Variants in CABLES1 observed in about 807,000 individuals in gnomAD.
CABLES1 encodes Cdk5 and Abl enzyme substrate 1, also known as CDK5 and ABL1 enzyme substrate 1.
CABLES1 carries 36 observed loss-of-function variants against 57.8 expected under a neutral mutation model. That is an observed-to-expected ratio of 0.62 (90% CI 0.48 to 0.82). The LOEUF is 0.82. Among genes scored for constraint, CABLES1 ranks in the 40% least tolerant of loss-of-function variants. CABLES1 has a pLI of 0.00. For synonymous variants in CABLES1, 374 were observed against 363.0 expected (o/e 1.03, Z -0.35); for missense variants, 767 against 836.6 (o/e 0.92, Z 1.03).
intron 1 of CABLES1, among the ~76,000 whole-genome samples, chr18:23,182,270 C>T (rs995316563): frequency 2.6e-5 from 4 of 152,186 alleles, no homozygotes; most frequent in African/African-American, 7.2e-5. Context: ...GTGCTCCAGG[C>T]TAACTAGCTC....
intron 1 of CABLES1, among the ~76,000 whole-genome samples, chr18:23,140,338 C>T (rs1243350134): frequency 6.6e-6 from 1 of 152,206 alleles, no homozygotes; most frequent in Non-Finnish European, 1.5e-5. Flanking sequence ...TAGCGGACAG[C>T]TCCCCAGGAG....
chr18:23,191,904 CT>C (rs2047245723), intron 2 of CABLES1, among the ~76,000 whole-genome samples: 1 of 73,250 alleles, frequency 1.4e-5, no homozygotes, highest in South Asian at 6.4e-4. Flanking sequence ...TGGTTGAATG[CT>C]TAAAAAAAAA....
chr18:23,232,661 C>G (rs561340927), intron 4 of CABLES1, among the ~76,000 whole-genome samples: 1 of 152,194 alleles, frequency 6.6e-6, no homozygotes, highest in African/African-American at 2.4e-5. Flanking sequence ...ACTTTGGTGT[C>G]GATTCTGAAC....
intron 3 of CABLES1, among the ~76,000 whole-genome samples, chr18:23,202,706 C>T (rs1568065805): frequency 6.6e-6 from 1 of 151,446 alleles, no homozygotes; most frequent in Non-Finnish European, 1.5e-5. Flanking sequence ...AGACACTCGG[C>T]CAGGGCGTGG....
intron 1 of CABLES1, among the ~76,000 whole-genome samples, chr18:23,173,608 A>G (rs1228369752): frequency 1.3e-5 from 2 of 152,236 alleles, no homozygotes; most frequent in Non-Finnish European, 2.9e-5. Flanking sequence ...TGTAAACTTT[A>G]TATATCATAT....
Position 23,135,776 on chromosome 18 carries a change from C to T in CABLES1, c.14C>T (p.Ala5Val). MAAAAAAATTAACSS... is the reference protein window; with the variant it reads MAAAVAAATTAACSS... ...CAGACGGACACAATGGCGGCGGCGG[C>T]GGCGGCCGCCACCACGGCCGCCTGC... is the stretch of plus-strand genomic sequence containing the variant. Residue 5 changes from alanine to valine, a missense_variant, in exon 1 of 10, where the codon GCG becomes GTG. Ala to Val is a moderately conservative substitution (Grantham distance 64, BLOSUM62 0). This residue lies in a region of CABLES1 where 198 missense variants were observed against 149.7 expected (regional missense o/e 1.32). Coordinates refer to ENST00000256925, the MANE Select transcript of CABLES1 (RefSeq NM_001100619.3). 1.0e-6 allele frequency: 1 copy of T among 985,074 alleles called. No individual in the cohort carries two copies. Among genetic ancestry groups the T allele is most frequent in the Non-Finnish European group, 1.2e-6 (1 of 830,926 alleles). 61.0% of individuals were successfully genotyped at this position (985,074 alleles called of 1,614,324 possible).
intron 4 of CABLES1, among the ~76,000 whole-genome samples, chr18:23,220,799 A>T (rs2047481452): frequency 6.6e-6 from 1 of 152,222 alleles, no homozygotes; most frequent in African/African-American, 2.4e-5. Flanking sequence ...GGATGCTCCC[A>T]AGGCAAATAC....
At chr18:23,188,775 A>C (rs1369306568) in intron 1 of CABLES1, 63 bp from the exon 2 acceptor site, 1 of 1,174,404 alleles carries the variant, frequency 8.5e-7, no homozygotes, top group Non-Finnish European at 1.3e-6. Flanking sequence ...TTAGATTTGC[A>C]CAAATGTCTG....
intron 1 of CABLES1, among the ~76,000 whole-genome samples, chr18:23,164,217 A>G (rs75682239): frequency 0.027 from 4,088 of 152,352 alleles, 176 homozygotes; most frequent in African/African-American, 0.092. Flanking sequence ...AGACAGCATC[A>G]GTGATTAATT....
At chr18:23,235,770 A>G in intron 5 of CABLES1, 125 bp from the exon 6 acceptor site, 1 of 986,422 alleles carries the variant, frequency 1.0e-6, no homozygotes, top group Non-Finnish European at 1.5e-6. Flanking sequence ...GATCTCATTG[A>G]ATTTCAGAAT....
chr18:23,224,337 C>T (rs550253987), intron 4 of CABLES1, among the ~76,000 whole-genome samples: 5 of 151,954 alleles, frequency 3.3e-5, no homozygotes, highest in African/African-American at 1.2e-4. Flanking sequence ...TGGGCACCGG[C>T]GGCCAGGGAG....
intron 1 of CABLES1, among the ~76,000 whole-genome samples, chr18:23,141,693 G>A (rs547989542): frequency 1.3e-5 from 2 of 152,330 alleles, no homozygotes; most frequent in South Asian, 2.1e-4. Flanking sequence ...CAATGTGGGC[G>A]AGCTCAGGAG....
chr18:23,257,537 T>TACAC lies in CABLES1; in HGVS notation c.*171_*172insCACA. 1 of 684,780 alleles carries TACAC rather than the reference T, an allele frequency of 1.5e-6. No individual in the cohort carries two copies. The highest frequency in any genetic ancestry group is 2.3e-6 in the Non-Finnish European group (1 of 439,062). 42.4% of individuals were successfully genotyped at this position (684,780 alleles called of 1,614,324 possible). A position where few individuals can be genotyped will look rare whatever the true frequency, so the allele number is the denominator to read the frequency against. On this transcript the variant is annotated 3_prime_UTR_variant, in exon 10 of 10. Transcript: ENST00000256925. ...AACTTTCCAAGGAGTCTTGGGTGTG[T>TACAC]AGCCAAGAGGAGCCATGAGCTATGG...
intron 3 of CABLES1, among the ~76,000 whole-genome samples, chr18:23,202,392 C>T (rs925038276): frequency 3.9e-5 from 6 of 152,180 alleles, no homozygotes; most frequent in African/African-American, 1.2e-4. Flanking sequence ...AGGTGGCTGG[C>T]GGCCCAGTGC....
chr18:23,163,830 C>T (rs1321338225), intron 1 of CABLES1, among the ~76,000 whole-genome samples: 2 of 152,126 alleles, frequency 1.3e-5, no homozygotes, highest in African/African-American at 2.4e-5. Context: ...GAGCGTGGCT[C>T]TCCCAAATAG....
At chr18:23,181,675 T>G (rs976486876) in intron 1 of CABLES1, among the ~76,000 whole-genome samples, 8 of 152,170 alleles carry the variant, frequency 5.3e-5, no homozygotes, top group African/African-American at 1.9e-4. Context: ...TACCTGCTGT[T>G]GGCCAAGCAT....
intron 1 of CABLES1, among the ~76,000 whole-genome samples, chr18:23,165,256 A>T (rs1395979842): frequency 6.6e-6 from 1 of 151,882 alleles, no homozygotes; most frequent in African/African-American, 2.4e-5. Context: ...CTAATTTTTT[A>T]ATTTTAATTT....
Position 23,136,513 on chromosome 18 carries a change from G to C in CABLES1, c.751G>C (p.Ala251Pro). ...NSFTQGILPI[A>P]FSRPTSQNYC... ...GTTCACTCAGGGAATCCTGCCCATC[G>C]CCTTCTCCAGGCCGACTTCGCAGAA... Residue 251 changes from alanine to proline, a missense_variant, in exon 1 of 10, where the codon GCC becomes CCC. By Grantham distance (27) the Ala-to-Pro change is conservative. This residue lies in a region of CABLES1 where 529 missense variants were observed against 622.8 expected (regional missense o/e 0.85). Transcript: ENST00000256925. 1 of 1,593,748 alleles carries C rather than the reference G, an allele frequency of 6.3e-7. No individual in the cohort carries two copies. Among genetic ancestry groups the C allele is most frequent in the South Asian group, 1.1e-5 (1 of 89,944 alleles).
chr18:23,234,427 A>C (rs1319493242), intron 4 of CABLES1, among the ~76,000 whole-genome samples, 181 bp from the exon 5 acceptor site: 1 of 152,182 alleles, frequency 6.6e-6, no homozygotes, highest in Admixed American at 6.5e-5. Flanking sequence ...ATTTATGTCA[A>C]AGTGGTTGCA....
Sources: gnomAD v4.1 joint callset for allele counts (sites outside exome capture counted in the v4.1 genomes callset) on GRCh38, gnomAD v4.1.1 for gene constraint, gnomAD v4.1.1 regional missense constraint, MANE v1.5 for transcripts, NCBI Gene and HGNC (gene_info 2026-07-23, HGNC 2026-07-21) for gene names.